THAP12: variants seen among roughly 807,000 people sequenced by gnomAD.
THAP12 encodes the protein 52 kDa repressor of the inhibitor of the protein kinase.
In THAP12, 20 loss-of-function variants were observed where a neutral mutation model predicts 63.0. The ratio of observed to expected loss-of-function variants is 0.32; its 90% CI spans 0.22 to 0.46. The LOEUF is 0.46. Among genes scored for constraint, THAP12 ranks in the 20% least tolerant of loss-of-function variants. The pLI, the probability that THAP12 is intolerant of heterozygous loss-of-function variation, is 1.00. For synonymous variants in THAP12, 264 were observed against 328.4 expected (o/e 0.80, Z 2.12); for missense variants, 568 against 908.2 (o/e 0.63, Z 4.81).
At chr11:76,367,472 G>C (rs1437256185) in intron 1 of THAP12, among the ~76,000 whole-genome samples, 1 of 151,982 alleles carries the variant, frequency 6.6e-6, no homozygotes, top group African/African-American at 2.4e-5. Flanking sequence ...GCCCAGGGTG[G>C]AGTGCAGTGG....
intron 4 of THAP12, among the ~76,000 whole-genome samples, chr11:76,353,618 A>G (rs1946541619): frequency 6.6e-6 from 1 of 152,382 alleles, no homozygotes; most frequent in Non-Finnish European, 1.5e-5. Flanking sequence ...CTGAGGCCCT[A>G]CAGGCTAAAT....
At chr11:76,368,989 G>A (rs1946651749) in intron 1 of THAP12, among the ~76,000 whole-genome samples, 1 of 152,088 alleles carries the variant, frequency 6.6e-6, no homozygotes, top group Admixed American at 6.6e-5. Flanking sequence ...TCAGATATTT[G>A]CAATACATAT....
intron 3 of THAP12, chr11:76,357,909 T>C (rs1032676498): frequency 2.6e-4 from 40 of 151,948 alleles, no homozygotes; most frequent in African/African-American, 9.4e-4. Context: ...TTCAAGAAGC[T>C]AGAAAAAGAG....
intron 4 of THAP12, among the ~76,000 whole-genome samples, chr11:76,354,758 T>G (rs2134499670): frequency 6.6e-6 from 1 of 152,310 alleles, no homozygotes; most frequent in Middle Eastern, 3.4e-3. Flanking sequence ...GGTTCCCTAT[T>G]GCTAATAGCC....
rs1365820769 is a variant in THAP12 at position 76,351,480 on chromosome 11, C to A, written c.1670G>T (p.Arg557Leu). The A allele has an allele frequency of 7.6e-6, 12 of 1,574,028 alleles. No homozygotes were observed. The Middle Eastern group carries it at 7.0e-4, about 92-fold the overall frequency. The change falls in exon 5 of 5, where the codon CGC becomes CTC. Residue 557 changes from arginine to leucine, a missense_variant. By Grantham distance (102) the Arg-to-Leu change is moderately radical. Coordinates refer to ENST00000260045, the MANE Select transcript of THAP12 (RefSeq NM_004705.4). ...TTCCAAGTTACCCTGGTGAGCTCTG[C>A]GGAATTTCCCAGGGAGTTTCATTTG... Reference protein sequence around the residue: ...DIQMKLPGKFRRAHQGNLESQ... With the variant: ...DIQMKLPGKFLRAHQGNLESQ...
At chr11:76,363,795 A>T (rs1946614252) in intron 2 of THAP12, among the ~76,000 whole-genome samples, 1 of 152,090 alleles carries the variant, frequency 6.6e-6, no homozygotes, top group African/African-American at 2.4e-5. Flanking sequence ...TTTAGTAGAG[A>T]AGGGGTTTCC....
At chr11:76,372,237 A>C (rs1356478101) in intron 1 of THAP12, among the ~76,000 whole-genome samples, 1 of 152,240 alleles carries the variant, frequency 6.6e-6, no homozygotes, top group African/African-American at 2.4e-5. Flanking sequence ...TACAGGCGTG[A>C]GCCACTGCGT....
intron 1 of THAP12, among the ~76,000 whole-genome samples, chr11:76,368,031 G>T (rs1409208649): frequency 6.6e-6 from 1 of 152,052 alleles, no homozygotes; most frequent in Non-Finnish European, 1.5e-5. Flanking sequence ...GTATAAAAAC[G>T]ATCTCACTAT....
At chr11:76,380,420 G>A (rs1463807713) in intron 1 of THAP12, among the ~76,000 whole-genome samples, 1 of 152,184 alleles carries the variant, frequency 6.6e-6, no homozygotes, top group Non-Finnish European at 1.5e-5. Context: ...AGAGGAAAGC[G>A]ACTCCCCCGA....
Position 76,380,825 on chromosome 11 carries a change from G to T in THAP12, c.12C>A (p.Phe4Leu). MPN[F>L]CAAPNCTRKS... Reference sequence around the variant, plus strand: ...TCCGCGTGCAGTTGGGGGCAGCGCAGAAGTTCGGCATCGTCGCCCGCCCGC... The same window carrying T: ...TCCGCGTGCAGTTGGGGGCAGCGCATAAGTTCGGCATCGTCGCCCGCCCGC... Residue 4 changes from phenylalanine to leucine, a missense_variant, in exon 1 of 5, where the codon TTC becomes TTA. Coordinates refer to ENST00000260045, the MANE Select transcript of THAP12 (RefSeq NM_004705.4). 2 of 1,438,938 alleles carry T rather than the reference G, an allele frequency of 1.4e-6. No individual in the cohort carries two copies. Among genetic ancestry groups the T allele is most frequent in the Non-Finnish European group, 1.8e-6 (2 of 1,086,686 alleles). The allele number at this position is 1,438,938 out of a possible 1,614,324, so 89.1% of individuals were successfully genotyped here. A position where few individuals can be genotyped will look rare whatever the true frequency, so the allele number is the denominator to read the frequency against.
chr11:76,374,386 CAA>C (rs34052754), intron 1 of THAP12, among the ~76,000 whole-genome samples: 57,852 of 138,680 alleles, frequency 0.42, 11,212 homozygotes, highest in East Asian at 0.46. Flanking sequence ...ATTCATTATA[CAA>C]AAAAAAAAAA....
At chr11:76,377,505 T>C (rs1946719320) in intron 1 of THAP12, among the ~76,000 whole-genome samples, 1 of 152,236 alleles carries the variant, frequency 6.6e-6, no homozygotes, top group African/African-American at 2.4e-5. Context: ...ATACAACATA[T>C]AAGCTTTTGT....
chr11:76,355,158 A>C (rs1946552764), intron 4 of THAP12, among the ~76,000 whole-genome samples: 2 of 152,236 alleles, frequency 1.3e-5, no homozygotes, highest in Non-Finnish European at 2.9e-5. Flanking sequence ...TTGGTGACAT[A>C]ATTCGGACAT....
intron 3 of THAP12, chr11:76,358,179 A>T (rs1225237750): frequency 6.7e-6 from 1 of 149,622 alleles, no homozygotes; most frequent in South Asian, 2.1e-4. Context: ...ATCTACCTAC[A>T]CAAATTTTTC....
chr11:76,380,707 G>T, intron 1 of THAP12, 41 bp downstream of exon 1: 1 of 1,332,556 alleles, frequency 7.5e-7, no homozygotes, highest in Non-Finnish European at 9.7e-7. Flanking sequence ...CGCTCACCGC[G>T]AAGGTGGGCC....
chr11:76,376,305 T>G lies in THAP12; in HGVS notation c.89+4443A>C, dbSNP rs943008895. ...GAATTGCATCTCAATAAACATCTTT[T>G]TAAAAAGAAATTCATGATTTGGTCT... On this transcript the variant is annotated intron_variant, in intron 1 of 4. Coordinates refer to ENST00000260045, the MANE Select transcript of THAP12 (RefSeq NM_004705.4). Among the ~76,000 whole-genome samples, 3 of 152,354 alleles carry G rather than the reference T, an allele frequency of 2.0e-5. No homozygotes were observed. In the South Asian group the frequency reaches 6.2e-4, roughly 32 times the overall value.
At chr11:76,376,620 TTTTG>T (rs1285127226) in intron 1 of THAP12, among the ~76,000 whole-genome samples, 1 of 141,632 alleles carries the variant, frequency 7.1e-6, no homozygotes, top group Non-Finnish European at 1.5e-5. Flanking sequence ...TCTATGTTTT[TTTTG>T]TTTTTTTTTT....
At chr11:76,364,240 C>CT (rs1459366205) in intron 2 of THAP12, 54 of 187,696 alleles carry the variant, frequency 2.9e-4, no homozygotes, top group Non-Finnish European at 6.0e-4. Context: ...CATATGAAAC[C>CT]TTTTATTTTG....
At chr11:76,378,846 T>A (rs2134520459) in intron 1 of THAP12, among the ~76,000 whole-genome samples, 1 of 152,098 alleles carries the variant, frequency 6.6e-6, no homozygotes, top group Non-Finnish European at 1.5e-5. Context: ...TGACCTCAAG[T>A]GATCCGCCTG....
Sources: allele counts gnomAD v4.1 joint callset (sites outside exome capture counted in the v4.1 genomes callset), GRCh38; gene constraint gnomAD v4.1.1; transcripts MANE v1.5; gene names NCBI Gene and HGNC (gene_info 2026-07-23, HGNC 2026-07-21).